SMARCA2: variants seen among roughly 807,000 people sequenced by gnomAD.
The protein encoded by SMARCA2 is SWI/SNF related BAF chromatin remodeling complex subunit ATPase 2.
SMARCA2 carries 61 observed loss-of-function variants against 199.8 expected under a neutral mutation model. That is an observed-to-expected ratio of 0.31 (90% CI 0.25 to 0.38). SMARCA2 has a LOEUF of 0.38. Ranked by LOEUF, SMARCA2 falls within the 10% of genes least tolerant of loss-of-function variation. SMARCA2 has a pLI of 1.00. For missense variants in SMARCA2, 1,344 were observed against 2,012.2 expected, an observed-to-expected ratio of 0.67 and a Z score of 6.35; for synonymous variants, 935 against 732.0, an observed-to-expected ratio of 1.28 and a Z score of -4.48.
At chr9:2,171,006 G>C (rs1826222037) in intron 29 of SMARCA2, among the ~76,000 whole-genome samples, 1 of 152,206 alleles carries the variant, frequency 6.6e-6, no homozygotes, top group African/African-American at 2.4e-5. Context: ...TTCAGGGTGT[G>C]ACTCCTGGGC....
At chr9:2,041,772 TC>T (rs1439671643) in intron 4 of SMARCA2, 1 of 184,878 alleles carries the variant, frequency 5.4e-6, no homozygotes, top group Non-Finnish European at 1.1e-5. Context: ...GCAGTTTGAA[TC>T]CTAAAAGTAT....
chr9:2,112,303 G>C (rs1823040866), intron 24 of SMARCA2, among the ~76,000 whole-genome samples: 1 of 152,144 alleles, frequency 6.6e-6, no homozygotes, highest in Non-Finnish European at 1.5e-5. Context: ...GGTGAATGGA[G>C]AGTTTGCTTG....
chr9:2,155,491 C>A (rs942180963), intron 27 of SMARCA2, among the ~76,000 whole-genome samples: 4 of 152,128 alleles, frequency 2.6e-5, no homozygotes, highest in African/African-American at 7.2e-5. Context: ...CCATATTGGC[C>A]AGGCTGGTCT....
At chr9:2,152,955 G>T (rs1424024889) in intron 27 of SMARCA2, among the ~76,000 whole-genome samples, 1 of 152,192 alleles carries the variant, frequency 6.6e-6, no homozygotes, top group Non-Finnish European at 1.5e-5. Flanking sequence ...TAGATATTCA[G>T]CTAGGGAAAT....
Position 2,029,081 on chromosome 9 carries a change from G to T in SMARCA2, c.59G>T (p.Gly20Val). ...CACCCAGGGCCTTCGCCGGGGCCTG[G>T]GCCTTCCCCTGGGCCAATTCTTGGG... ...MPHPGPSPGP[G>V]PSPGPILGPS... The change falls in exon 2 of 34, where the codon GGG (glycine) becomes GTG (valine). Residue 20 changes from glycine (G) to valine (V), a missense_variant. Coordinates refer to ENST00000349721, the MANE Select transcript of SMARCA2 (RefSeq NM_003070.5). 1 of 1,575,794 alleles carries T rather than the reference G, an allele frequency of 6.3e-7. No individual in the cohort carries two copies. The highest frequency in any genetic ancestry group is 8.6e-7 in the Non-Finnish European group (1 of 1,159,210).
intron 13 of SMARCA2, among the ~76,000 whole-genome samples, chr9:2,076,853 C>G (rs540403375): frequency 3.3e-5 from 5 of 152,092 alleles, no homozygotes; most frequent in African/African-American, 1.2e-4. Context: ...TGTGTCTCAT[C>G]CATTCCTGTG....
At chr9:2,042,775 C>A (rs528431477) in intron 4 of SMARCA2, 5 of 151,514 alleles carry the variant, frequency 3.3e-5, no homozygotes, top group Admixed American at 1.3e-4. Context: ...TTTCAATAGT[C>A]GGAGCTTCAT....
chr9:2,154,735 T>G (rs988642498), intron 27 of SMARCA2, among the ~76,000 whole-genome samples: 5 of 152,252 alleles, frequency 3.3e-5, no homozygotes, highest in African/African-American at 1.2e-4. Flanking sequence ...GTTATGCTCT[T>G]AATAGTTGTA....
At chr9:2,116,192 C>A in intron 25 of SMARCA2, 143 bp downstream of exon 25, 1 of 659,256 alleles carries the variant, frequency 1.5e-6, no homozygotes, top group African/African-American at 1.8e-5. Flanking sequence ...AGATCCCAAC[C>A]ACAGAAAGCC....
In SMARCA2 at chr9:2,193,075, G is replaced by A. The variant is rs908665250; in HGVS notation, c.*336G>A. On this transcript the variant is annotated 3_prime_UTR_variant, in exon 34 of 34. Transcript: ENST00000349721. ...TTGATTGTGCCTGGTTTTATCACCT[G>A]TTCAGATGAGAAGATTTTTGTCTTT... 2 of 223,224 alleles carry A rather than the reference G, an allele frequency of 9.0e-6. No individual in the cohort carries two copies. Among genetic ancestry groups the A allele is most frequent in the African/African-American group, 4.6e-5 (2 of 43,812 alleles). The allele number at this position is 223,224 out of a possible 1,614,324, so 13.8% of individuals were successfully genotyped here. A position where few individuals can be genotyped will look rare whatever the true frequency, so the allele number is the denominator to read the frequency against.
rs780488557 is a variant in SMARCA2, at chr9:2,192,718, A to T, written c.4752A>T (p.Gly1584=). The T allele has an allele frequency of 1.2e-6, 2 of 1,608,706 alleles. No individual in the cohort carries two copies. The highest frequency in any genetic ancestry group is 1.7e-6 in the Non-Finnish European group (2 of 1,175,096). ...EEQDEREQSE[G]SGTDDE ...TTTACTTTTAGGAACAGTCAGAAGGAAGTGGGACGGATGATGAGTGATCAG... is the reference window on the plus strand; with the variant it reads ...TTTACTTTTAGGAACAGTCAGAAGGTAGTGGGACGGATGATGAGTGATCAG... The change falls in exon 34 of 34, where the codon GGA becomes GGT. Residue 1584 remains glycine (G), a synonymous_variant. Coordinates refer to ENST00000349721, the MANE Select transcript of SMARCA2 (RefSeq NM_003070.5).
At chr9:2,129,532 G>C (rs1427153761) in intron 27 of SMARCA2, among the ~76,000 whole-genome samples, 1 of 152,220 alleles carries the variant, frequency 6.6e-6, no homozygotes, top group Non-Finnish European at 1.5e-5. Context: ...CAGCTCATCA[G>C]TGTGTTCACT....
At chr9:2,083,088 T>A (rs1821639820) in intron 15 of SMARCA2, among the ~76,000 whole-genome samples, 1 of 152,162 alleles carries the variant, frequency 6.6e-6, no homozygotes, top group African/African-American at 2.4e-5. Flanking sequence ...AGTTTAGTTT[T>A]TTGCTCTCTA....
At chr9:2,036,176 T>C (rs1819321668) in intron 3 of SMARCA2, among the ~76,000 whole-genome samples, 1 of 149,988 alleles carries the variant, frequency 6.7e-6, no homozygotes, top group East Asian at 1.9e-4. Flanking sequence ...TATATTTAAA[T>C]AGTGTGTGTG....
At chr9:2,068,145 T>C (rs1329399773) in intron 9 of SMARCA2, among the ~76,000 whole-genome samples, 1 of 152,202 alleles carries the variant, frequency 6.6e-6, no homozygotes, top group Non-Finnish European at 1.5e-5. Flanking sequence ...ACTCCAAAAA[T>C]GGAACCTTCA....
chr9:2,191,332 GCAAGAAAAGGCCAAAT>G lies in SMARCA2; in HGVS notation c.4663_4678del (p.Lys1555GlufsTer7), dbSNP rs1194809028. On this transcript the variant is annotated frameshift_variant, in exon 33 of 34. Transcript: ENST00000349721. LOFTEE classifies it high-confidence loss of function. Reference sequence around the variant, plus strand: ...GACAAAGGCCGGGACAAAGGGAAAGGCAAGAAAAGGCCAAATCGAGGAAAAGCCAAACCTGTAGTGA... The same window carrying G: ...GACAAAGGCCGGGACAAAGGGAAAGGCGAGGAAAAGCCAAACCTGTAGTGA... The G allele has an allele frequency of 2.5e-6, 4 of 1,614,084 alleles. No individual in the cohort carries two copies. The highest frequency in any genetic ancestry group is 3.4e-6 in the Non-Finnish European group (4 of 1,180,036).
chr9:2,146,066 T>C (rs1824727420), intron 27 of SMARCA2, among the ~76,000 whole-genome samples: 1 of 152,234 alleles, frequency 6.6e-6, no homozygotes, highest in African/African-American at 2.4e-5. Flanking sequence ...TGGGATGCTA[T>C]ACCAAAATAC....
At chr9:2,150,183 G>A (rs1824990654) in intron 27 of SMARCA2, among the ~76,000 whole-genome samples, 2 of 151,496 alleles carry the variant, frequency 1.3e-5, no homozygotes, top group Admixed American at 1.3e-4. Flanking sequence ...TCTCCTGTTG[G>A]CCTCTGCTTA....
intron 27 of SMARCA2, among the ~76,000 whole-genome samples, chr9:2,136,468 G>A (rs7868959): frequency 0.27 from 40,357 of 152,034 alleles, 9,144 homozygotes; most frequent in African/African-American, 0.6. Context: ...GATTACAGGC[G>A]TGAACACTGT....
Sources: allele counts gnomAD v4.1 joint callset (sites outside exome capture counted in the v4.1 genomes callset), GRCh38; gene constraint gnomAD v4.1.1; transcripts MANE v1.5; gene names NCBI Gene and HGNC (gene_info 2026-07-23, HGNC 2026-07-21).